The following AOPEP variants were observed in gnomAD, a reference collection of about 807,000 sequenced individuals.
AOPEP encodes aminopeptidase O (putative).
AOPEP carries 77 observed loss-of-function variants against 98.1 expected under a neutral mutation model. That is an observed-to-expected ratio of 0.78 (90% CI 0.65 to 0.95). The LOEUF (loss-of-function observed/expected upper bound fraction) is 0.95, where lower values mean the gene tolerates loss of function less well. Among genes scored for constraint, AOPEP ranks in the 40% least tolerant of loss-of-function variants. The pLI, the probability that AOPEP is intolerant of heterozygous loss-of-function variation, is 0.00. For synonymous variants in AOPEP, 346 were observed against 365.3 expected, an observed-to-expected ratio of 0.95 and a Z score of 0.60; for missense variants, 1,024 against 1,024.7, an observed-to-expected ratio of 1.00 and a Z score of 0.01.
chr9:95,084,370 A>T (rs969496499), intron 16 of AOPEP, among the ~76,000 whole-genome samples: 1 of 152,236 alleles, frequency 6.6e-6, no homozygotes, highest in African/African-American at 2.4e-5. Flanking sequence ...GTCAGGAACC[A>T]TGTGTGCCAG....
chr9:94,782,766 G>T (rs891024842), intron 3 of AOPEP, among the ~76,000 whole-genome samples: 1 of 152,158 alleles, frequency 6.6e-6, no homozygotes, highest in East Asian at 1.9e-4. Context: ...AAGGGTAAAC[G>T]TATTAATCTT....
At chr9:94,874,870 A>C (rs1564300931) in intron 5 of AOPEP, among the ~76,000 whole-genome samples, 1 of 152,210 alleles carries the variant, frequency 6.6e-6, no homozygotes, top group Non-Finnish European at 1.5e-5. Flanking sequence ...TGCTGAATTG[A>C]CATTTTAATC....
the AOPEP span, among the ~76,000 whole-genome samples, chr9:95,136,737 G>A: frequency 1.3e-5 from 2 of 152,054 alleles, no homozygotes; most frequent in African/African-American, 2.4e-5. Flanking sequence ...TCCTGCCTTG[G>A]CCTCCCAAAA....
chr9:94,867,099 C>T (rs922967082), intron 5 of AOPEP, among the ~76,000 whole-genome samples: 2 of 152,254 alleles, frequency 1.3e-5, no homozygotes, highest in Non-Finnish European at 2.9e-5. Flanking sequence ...CAGTCTGCTG[C>T]CTGCTATTTT....
intron 13 of AOPEP, among the ~76,000 whole-genome samples, chr9:95,058,074 C>A (rs1275034240): frequency 6.6e-6 from 1 of 152,136 alleles, no homozygotes; most frequent in African/African-American, 2.4e-5. Context: ...TTCCATTGAT[C>A]CTTTTGGTTC....
intron 9 of AOPEP, among the ~76,000 whole-genome samples, chr9:94,961,013 CAAAAAAA>C (rs71496990): frequency 8.4e-6 from 1 of 118,730 alleles, no homozygotes; most frequent in African/African-American, 3.1e-5. Flanking sequence ...GAATCTGTCT[CAAAAAAA>C]AAAAAAAAAG....
intron 1 of AOPEP, among the ~76,000 whole-genome samples, chr9:94,730,403 C>A (rs556344586): frequency 6.6e-6 from 1 of 150,910 alleles, no homozygotes. Flanking sequence ...GAAGAAAAAA[C>A]GACATCCAGG....
chr9:94,922,234 C>T (rs1196143323), intron 5 of AOPEP, among the ~76,000 whole-genome samples: 1 of 152,190 alleles, frequency 6.6e-6, no homozygotes, highest in African/African-American at 2.4e-5. Context: ...GGCAGGTCCC[C>T]GGACAGTGGA....
At chr9:95,101,643 C>G in the AOPEP span, 1 of 1,597,756 alleles carries the variant, frequency 6.3e-7, no homozygotes, top group Non-Finnish European at 8.5e-7. Flanking sequence ...CAGGTCATCA[C>G]CTGTCCTGTG....
the AOPEP span, chr9:95,126,520 A>G: frequency 6.2e-7 from 1 of 1,613,442 alleles, no homozygotes; most frequent in Non-Finnish European, 8.5e-7. Context: ...GAAACAGTGT[A>G]ACGTTTACCT....
chr9:94,792,407 T>A (rs977364562), intron 3 of AOPEP, among the ~76,000 whole-genome samples: 5 of 152,216 alleles, frequency 3.3e-5, no homozygotes, highest in African/African-American at 1.2e-4. Context: ...GCATTTTTTT[T>A]AATGCTAAAT....
the AOPEP span, among the ~76,000 whole-genome samples, chr9:95,148,428 C>T: frequency 6.6e-6 from 1 of 152,178 alleles, no homozygotes; most frequent in East Asian, 1.9e-4. Flanking sequence ...CACATACTTT[C>T]TCAATAATTA....
intron 7 of AOPEP, among the ~76,000 whole-genome samples, chr9:94,948,253 A>C (rs1023336937): frequency 1.3e-5 from 2 of 151,892 alleles, no homozygotes; most frequent in African/African-American, 4.9e-5. Flanking sequence ...GGTTATAGCA[A>C]ATAATTAATC....
At chr9:94,891,866 G>C (rs997620556) in intron 5 of AOPEP, among the ~76,000 whole-genome samples, 1 of 152,076 alleles carries the variant, frequency 6.6e-6, no homozygotes, top group Non-Finnish European at 1.5e-5. Context: ...GTTAAGAAGA[G>C]CTTCCTTTAA....
At chr9:94,931,992 C>T in intron 7 of AOPEP, 1 of 1,187,538 alleles carries the variant, frequency 8.4e-7, no homozygotes, top group Non-Finnish European at 1.1e-6. Context: ...AGAACCAAGG[C>T]TCAGAAAGAC....
At chr9:95,022,532 G>T (rs1295194257) in intron 13 of AOPEP, among the ~76,000 whole-genome samples, 1 of 152,102 alleles carries the variant, frequency 6.6e-6, no homozygotes, top group Admixed American at 6.5e-5. Context: ...GTAGAGATGG[G>T]GTTTCACCGT....
chr9:95,131,487 C>T, the AOPEP span, among the ~76,000 whole-genome samples: 8 of 152,190 alleles, frequency 5.3e-5, no homozygotes, highest in South Asian at 1.2e-3. Context: ...AAACTCGCAA[C>T]GTGGGCCTCT....
chr9:95,109,941 C>T, the AOPEP span, among the ~76,000 whole-genome samples: 31 of 152,298 alleles, frequency 2.0e-4, 1 homozygote, highest in South Asian at 5.6e-3. Flanking sequence ...ATCCCCTTCC[C>T]AGGACGCCAC....
the AOPEP span, among the ~76,000 whole-genome samples, chr9:95,107,735 G>A: frequency 6.6e-6 from 1 of 152,078 alleles, no homozygotes; most frequent in East Asian, 1.9e-4. Flanking sequence ...GGGGGGTCGG[G>A]GGGAACACAC....
Sources: gnomAD v4.1 joint callset for allele counts (sites outside exome capture counted in the v4.1 genomes callset) on GRCh38, gnomAD v4.1.1 for gene constraint, MANE v1.5 for transcripts, NCBI Gene and HGNC (gene_info 2026-07-23, HGNC 2026-07-21) for gene names.